TOM1L1: variants seen among roughly 807,000 people sequenced by gnomAD.
TOM1L1 encodes the protein target of myb1 like 1 membrane trafficking protein.
In TOM1L1, 64 loss-of-function variants were observed where a neutral mutation model predicts 63.4. The observed-to-expected ratio is 1.01, with a 90% CI of 0.83 to 1.24. The LOEUF is 1.24. Ranked by LOEUF, TOM1L1 falls within the 50% of genes most tolerant of loss-of-function variation. The pLI is 0.00. For missense variants in TOM1L1, 536 were observed against 567.0 expected (o/e 0.95, Z 0.55); for synonymous variants, 166 against 194.4 (o/e 0.85, Z 1.22).
chr17:54,924,267 T>G (rs919039802), intron 7 of TOM1L1, among the ~76,000 whole-genome samples: 4 of 147,434 alleles, frequency 2.7e-5, no homozygotes, highest in African/African-American at 1.0e-4. Flanking sequence ...TTTCTTTTTC[T>G]TTTCTTTTCT....
rs2048517732 is a variant in TOM1L1, at chr17:54,912,774, T to G, written c.331T>G (p.Leu111Val). The change falls in exon 4 of 16, where the codon TTG becomes GTG. Residue 111 changes from leucine (L) to valine (V), a missense_variant. Coordinates refer to ENST00000575882, the MANE Select transcript of TOM1L1 (RefSeq NM_005486.3). ...LVKLLNPRYN[L>V]PLDIQNRILN... ...TAAGCTACTGAATCCCAGATACAAC[T>G]TGCCATTAGACATTCAGAATAGAAT... 3 of 1,611,714 alleles carry G rather than the reference T, an allele frequency of 1.9e-6. No individual in the cohort carries two copies. The highest frequency in any genetic ancestry group is 2.5e-6 in the Non-Finnish European group (3 of 1,179,356).
intron 1 of TOM1L1, chr17:54,901,158 C>T: frequency 1.7e-6 from 1 of 604,880 alleles, no homozygotes; most frequent in Admixed American, 2.9e-5. Context: ...CTTTCGATGC[C>T]GCCTGGGGAG....
exon 16 of TOM1L1, chr17:54,961,953 ACAATT>A (rs2077136278): frequency 1.1e-6 from 1 of 888,802 alleles, no homozygotes; most frequent in Admixed American, 7.0e-5. Context: ...CACTATTAAA[ACAATT>A]TAATACTTTT....
At chr17:54,921,087 T>C (rs979392317) in intron 7 of TOM1L1, among the ~76,000 whole-genome samples, 1 of 152,188 alleles carries the variant, frequency 6.6e-6, no homozygotes, top group Admixed American at 6.5e-5. Flanking sequence ...CCCATCTTGT[T>C]TGCACCCCGG....
chr17:54,929,863 C>T (rs1209679523), intron 7 of TOM1L1, among the ~76,000 whole-genome samples: 1 of 151,712 alleles, frequency 6.6e-6, no homozygotes, highest in Non-Finnish European at 1.5e-5. Context: ...CTTATGACAC[C>T]TATTTTGATT....
intron 10 of TOM1L1, among the ~76,000 whole-genome samples, chr17:54,938,185 G>T (rs2048980181): frequency 6.6e-6 from 1 of 152,080 alleles, no homozygotes. Context: ...TCCCTTTGGG[G>T]TATCTCACTT....
At chr17:54,946,063 CCTT>C (rs1430354784) in intron 11 of TOM1L1, among the ~76,000 whole-genome samples, 17 of 152,288 alleles carry the variant, frequency 1.1e-4, no homozygotes, top group African/African-American at 3.9e-4. Context: ...ACAGTTTTAG[CCTT>C]CTTCTATGGG....
At chr17:54,956,689 C>T (rs1277091911) in intron 14 of TOM1L1, 2 of 152,312 alleles carry the variant, frequency 1.3e-5, no homozygotes, top group African/African-American at 4.8e-5. Context: ...AAGCAATCCT[C>T]CTGCCTCAGC....
At position 54,922,430 on chromosome 17, in the gene TOM1L1, G is replaced by C. The variant is rs148783974; in HGVS notation, c.720+6568G>C. 5.3e-5 allele frequency among the ~76,000 whole-genome samples: 8 copies of C among 152,154 alleles called. No homozygotes were observed. In the East Asian group the frequency reaches 1.5e-3, roughly 29 times the overall value. ...GAGACCAGCCTGGGCAACATAGTGA[G>C]ACTCTGTTGCTACAAAAAATAAATT... On this transcript the variant is annotated intron_variant, in intron 7 of 15. Transcript: ENST00000575882.
chr17:54,916,165 T>C, intron 7 of TOM1L1: 1 of 406,878 alleles, frequency 2.5e-6, no homozygotes, highest in South Asian at 7.8e-5. Flanking sequence ...TTTCATCCAC[T>C]CAACAAACAT....
chr17:54,907,136 G>C (rs1395400535), intron 3 of TOM1L1, among the ~76,000 whole-genome samples: 2 of 148,022 alleles, frequency 1.4e-5, no homozygotes, highest in Non-Finnish European at 3.0e-5. Context: ...AGTTTTAGAG[G>C]CATTTTCCCC....
At chr17:54,911,098 C>T (rs1313153096) in intron 3 of TOM1L1, among the ~76,000 whole-genome samples, 1 of 152,160 alleles carries the variant, frequency 6.6e-6, no homozygotes, top group Non-Finnish European at 1.5e-5. Flanking sequence ...TTGGTTCATT[C>T]TTTCTTAGTC....
intron 3 of TOM1L1, chr17:54,906,905 T>C (rs1209356099): frequency 4.2e-6 from 3 of 711,668 alleles, no homozygotes; most frequent in African/African-American, 3.9e-5. Context: ...AGCCCAAGAC[T>C]GTGCATGGTC....
intron 12 of TOM1L1, 93 bp downstream of exon 12, chr17:54,947,405 T>C (rs1301713395): frequency 2.8e-6 from 4 of 1,433,920 alleles, no homozygotes; most frequent in African/African-American, 1.4e-5. Flanking sequence ...CATGTTCTGC[T>C]CAGTATTGTG....
At chr17:54,948,561 C>G (rs2143952647) in intron 12 of TOM1L1, among the ~76,000 whole-genome samples, 1 of 152,272 alleles carries the variant, frequency 6.6e-6, no homozygotes, top group South Asian at 2.1e-4. Flanking sequence ...TGAGACATTT[C>G]CTGACCACGA....
chr17:54,903,356 A>C (rs1177021792), intron 1 of TOM1L1, among the ~76,000 whole-genome samples: 1 of 152,242 alleles, frequency 6.6e-6, no homozygotes, highest in Non-Finnish European at 1.5e-5. Flanking sequence ...CGTATGATAA[A>C]ATACTTAGCA....
chr17:54,948,274 G>A (rs1247983981), intron 12 of TOM1L1, among the ~76,000 whole-genome samples: 1 of 151,816 alleles, frequency 6.6e-6, no homozygotes, highest in Admixed American at 6.6e-5. Flanking sequence ...CAAAAACAGG[G>A]GCATTCTTTT....
chr17:54,933,604 C>CCT (rs1201768565), intron 8 of TOM1L1, among the ~76,000 whole-genome samples: 3 of 152,182 alleles, frequency 2.0e-5, no homozygotes, highest in Non-Finnish European at 4.4e-5. Flanking sequence ...CTCACTGCAA[C>CCT]CTCCACCTCC....
At position 54,958,748 on chromosome 17, in the gene TOM1L1, A is replaced by AAAAAAAAAG. The variant is rs372776781; in HGVS notation, c.1371-1818_1371-1817insAAAAAAAAG. On this transcript the variant is annotated intron_variant, in intron 14 of 15. Transcript: ENST00000575882. Reference sequence around the variant, plus strand: ...TCCATCTCAAAAAAAAAAAAAAAAAAGGGGTTGTTGGTAGCTAGAGGATAC... The same window carrying AAAAAAAAAG: ...TCCATCTCAAAAAAAAAAAAAAAAAAAAAAAAAAGGGGGTTGTTGGTAGCTAGAGGATAC... 6.8e-4 allele frequency among the ~76,000 whole-genome samples: 81 copies of AAAAAAAAAG among 118,948 alleles called. 7 individuals are homozygous for AAAAAAAAAG. Among genetic ancestry groups the AAAAAAAAAG allele is most frequent in the African/African-American group, 1.4e-3 (45 of 32,196 alleles). 78.0% of individuals were successfully genotyped at this position (118,948 alleles called of 152,430 possible). A position where few individuals can be genotyped will look rare whatever the true frequency, so the allele number is the denominator to read the frequency against.
Sources: gnomAD v4.1 joint callset for allele counts (sites outside exome capture counted in the v4.1 genomes callset) on GRCh38, gnomAD v4.1.1 for gene constraint, MANE v1.5 for transcripts, NCBI Gene and HGNC (gene_info 2026-07-23, HGNC 2026-07-21) for gene names.